The following LTBP1 variants were observed in gnomAD, a reference collection of about 807,000 sequenced individuals.
LTBP1 encodes the protein latent transforming growth factor beta binding protein 1, also known as latent-transforming growth factor beta-binding protein 1.
Under a neutral mutation model 207.6 loss-of-function variants are expected in LTBP1, and 129 were observed. The ratio of observed to expected loss-of-function variants is 0.62; its 90% CI spans 0.54 to 0.72. The LOEUF (loss-of-function observed/expected upper bound fraction) is 0.72. Among genes scored for constraint, LTBP1 ranks in the 30% least tolerant of loss-of-function variants. The pLI, the probability that LTBP1 is intolerant of heterozygous loss-of-function variation, is 0.00. For synonymous variants in LTBP1, 963 were observed against 833.7 expected (o/e 1.16, Z -2.67); for missense variants, 2,281 against 2,217.2 (o/e 1.03, Z -0.58).
Position 33,236,338 on chromosome 2 carries a change from C to T in LTBP1, c.1877-7324C>T, listed in dbSNP as rs79211575. 4.8e-3 allele frequency among the ~76,000 whole-genome samples: 729 copies of T among 152,276 alleles called. 6 individuals carry two copies. Among genetic ancestry groups the T allele is most frequent in the African/African-American group, 0.017 (698 of 41,562 alleles). On this transcript the variant is annotated intron_variant, in intron 9 of 33. Transcript: ENST00000404816. The stretch of plus-strand genomic sequence containing the variant: ...TCAGTGGGAACTGATAGATAATTTA[C>T]TGATTTGAAGGTGTTAACTGTTCTG...
chr2:33,362,143 A>T (rs1288364335), intron 28 of LTBP1, among the ~76,000 whole-genome samples: 1 of 152,152 alleles, frequency 6.6e-6, no homozygotes, highest in African/African-American at 2.4e-5. Context: ...TTAACCACTC[A>T]CTTTTGACAT....
chr2:33,309,526 T>C lies in LTBP1; in HGVS notation c.3574T>C (p.Phe1192Leu), dbSNP rs745678725. Residue 1192 changes from phenylalanine (F) to leucine (L), a missense_variant, in exon 23 of 34, where the codon TTT (phenylalanine) becomes CTT (leucine). This residue lies in a region of LTBP1 where 1,671 missense variants were observed against 1,634.8 expected (regional missense o/e 1.02). Coordinates refer to ENST00000404816, the MANE Select transcript of LTBP1 (RefSeq NM_206943.4). The part of the protein sequence containing the change: ...GSYDCTCPDG[F>L]QLDDNKTCQD... ...CTATGATTGTACTTGTCCGGATGGATTTCAGCTAGATGACAATAAAACATG... is the reference window on the plus strand; with the variant it reads ...CTATGATTGTACTTGTCCGGATGGACTTCAGCTAGATGACAATAAAACATG... 2 of 1,609,596 alleles carry C rather than the reference T, an allele frequency of 1.2e-6. No individual in the cohort carries two copies. The highest frequency in any genetic ancestry group is 1.1e-5 in the South Asian group (1 of 89,862).
At chr2:33,286,023 C>T (rs974977190) in intron 19 of LTBP1, 4 of 152,140 alleles carry the variant, frequency 2.6e-5, no homozygotes, top group African/African-American at 9.7e-5. Flanking sequence ...CATTCCTGTA[C>T]TTTATTGTCT....
At chr2:33,253,756 A>G (rs1177072251) in intron 11 of LTBP1, among the ~76,000 whole-genome samples, 3 of 152,184 alleles carry the variant, frequency 2.0e-5, no homozygotes, top group African/African-American at 7.2e-5. Context: ...GGTTAGAACC[A>G]GAAAGAACTG....
At chr2:33,389,053 A>C in intron 31 of LTBP1, 131 bp from the exon 32 acceptor site, 2 of 1,249,942 alleles carry the variant, frequency 1.6e-6, no homozygotes, top group Non-Finnish European at 2.3e-6. Flanking sequence ...TTCCAGGCTC[A>C]GTGGTACGCA....
chr2:33,343,327 C>G (rs2094655827), intron 25 of LTBP1, among the ~76,000 whole-genome samples: 1 of 149,612 alleles, frequency 6.7e-6, no homozygotes, highest in African/African-American at 2.5e-5. Context: ...GGGAGGATCT[C>G]ATGTGCCCAG....
chr2:33,166,723 C>T (rs1256358871), intron 5 of LTBP1, among the ~76,000 whole-genome samples: 1 of 152,040 alleles, frequency 6.6e-6, no homozygotes, highest in Admixed American at 6.6e-5. Context: ...ATATATGGAG[C>T]CCTGAGGAAT....
rs1273936199 is a variant in LTBP1 at position 33,314,999 on chromosome 2, G to A, written c.3605-145G>A. 7 of 641,638 alleles carry A rather than the reference G, an allele frequency of 1.1e-5. No homozygotes were observed. The African/African-American group carries it at 1.3e-4, about 12-fold the overall frequency. 39.7% of individuals were successfully genotyped at this position (641,638 alleles called of 1,614,324 possible). A position where few individuals can be genotyped will look rare whatever the true frequency, so the allele number is the denominator to read the frequency against. ...TCTCTCATAACTCAGCTTGTCCTGT[G>A]GTTGATTTATGGACAAATGGTATAG... is the stretch of plus-strand genomic sequence containing the variant. On this transcript the variant is annotated intron_variant, in intron 23 of 33. Coordinates refer to ENST00000404816, the MANE Select transcript of LTBP1 (RefSeq NM_206943.4).
intron 7 of LTBP1, among the ~76,000 whole-genome samples, chr2:33,194,456 G>T (rs951099431): frequency 6.6e-6 from 1 of 152,198 alleles, no homozygotes; most frequent in Admixed American, 6.5e-5. Flanking sequence ...GTACATGAAT[G>T]ATAAGAAAGT....
chr2:33,346,891 C>T (rs1169976469), intron 25 of LTBP1, among the ~76,000 whole-genome samples: 1 of 151,910 alleles, frequency 6.6e-6, no homozygotes, highest in Non-Finnish European at 1.5e-5. Context: ...CCGAGGTGGG[C>T]GGATCACGAG....
intron 3 of LTBP1, among the ~76,000 whole-genome samples, chr2:33,063,851 T>C (rs577243049): frequency 2.9e-3 from 258 of 87,498 alleles, no homozygotes; most frequent in African/African-American, 7.5e-3. Context: ...GTATTGTATA[T>C]TCTTTTTTTT....
chr2:33,235,790 A>G (rs983764972), intron 9 of LTBP1, among the ~76,000 whole-genome samples: 2 of 152,184 alleles, frequency 1.3e-5, no homozygotes, highest in Non-Finnish European at 2.9e-5. Flanking sequence ...ATTCTTAGCA[A>G]ACTAACACAG....
rs1311561996 is a variant in LTBP1, at chr2:33,037,667, T to G, written c.863+16461T>G. On this transcript the variant is annotated intron_variant, in intron 3 of 33. Transcript: ENST00000404816. ...CCTTGTTCATTTTGTGATTTCTGAT[T>G]GTGAGTATTCATTGGAATTTTATTT... is the stretch of plus-strand genomic sequence containing the variant. 2.0e-5 allele frequency among the ~76,000 whole-genome samples: 3 copies of G among 152,208 alleles called. No homozygotes were observed. The South Asian group carries it at 6.2e-4, about 32-fold the overall frequency.
intron 5 of LTBP1, among the ~76,000 whole-genome samples, chr2:33,159,178 C>A (rs563122345): frequency 6.6e-6 from 1 of 152,270 alleles, no homozygotes; most frequent in Admixed American, 6.5e-5. Flanking sequence ...TTGCTTGCTT[C>A]CCTCTCCTAA....
intron 2 of LTBP1, among the ~76,000 whole-genome samples, chr2:33,003,266 T>C (rs933029072): frequency 6.6e-6 from 1 of 152,226 alleles, no homozygotes; most frequent in African/African-American, 2.4e-5. Context: ...CTGAGTAGAT[T>C]TGCAAGAGTA....
chr2:33,249,693 G>T (rs1353529740), intron 10 of LTBP1, among the ~76,000 whole-genome samples: 1 of 152,126 alleles, frequency 6.6e-6, no homozygotes, highest in Non-Finnish European at 1.5e-5. Flanking sequence ...TTTTCAGTAG[G>T]TTTTATGCTT....
In LTBP1 at chr2:33,253,080, G is replaced by C. The variant is rs747332548; in HGVS notation, c.2167+236G>C. Reference sequence around the variant, plus strand: ...TATCAGACTTCCTTTTGAATATTAAGAAAAGCCATTATATTTTATCTTCAA... The same window carrying C: ...TATCAGACTTCCTTTTGAATATTAACAAAAGCCATTATATTTTATCTTCAA... On this transcript the variant is annotated intron_variant, in intron 11 of 33. Transcript: ENST00000404816. Among the ~76,000 whole-genome samples the C allele has an allele frequency of 2.6e-5, 4 of 152,224 alleles. No individual in the cohort carries two copies. In the South Asian group the frequency reaches 6.2e-4, roughly 24 times the overall value.
intron 16 of LTBP1, among the ~76,000 whole-genome samples, chr2:33,274,419 A>G (rs2093383658): frequency 6.6e-6 from 1 of 152,044 alleles, no homozygotes; most frequent in Admixed American, 6.6e-5. Flanking sequence ...TCTAATTAAT[A>G]CTTCTTTAGT....
At chr2:33,174,127 T>A (rs973682008) in intron 5 of LTBP1, among the ~76,000 whole-genome samples, 1 of 147,692 alleles carries the variant, frequency 6.8e-6, no homozygotes, top group African/African-American at 2.5e-5. Flanking sequence ...ACCACTCCTA[T>A]TCAACATAGT....
Sources: gnomAD v4.1 joint callset for allele counts (sites outside exome capture counted in the v4.1 genomes callset) on GRCh38, gnomAD v4.1.1 for gene constraint, gnomAD v4.1.1 regional missense constraint, MANE v1.5 for transcripts, NCBI Gene and HGNC (gene_info 2026-07-23, HGNC 2026-07-21) for gene names.